ADGRL3: variants seen among roughly 807,000 people sequenced by gnomAD.
ADGRL3 encodes the protein adhesion G protein-coupled receptor L3.
Under a neutral mutation model 153.5 loss-of-function variants are expected in ADGRL3, and 62 were observed. The observed-to-expected ratio is 0.40, with a 90% CI of 0.33 to 0.50. The LOEUF (loss-of-function observed/expected upper bound fraction) is 0.50, where lower values mean the gene tolerates loss of function less well. ADGRL3 is among the 20% of genes least tolerant of loss of function. ADGRL3 has a pLI of 0.47. For synonymous variants in ADGRL3, 710 were observed against 672.5 expected, an observed-to-expected ratio of 1.06 and a Z score of -0.86; for missense variants, 1,641 against 1,859.4, an observed-to-expected ratio of 0.88 and a Z score of 2.16.
At chr4:61,378,404 G>C (rs1046087453) in intron 1 of ADGRL3, among the ~76,000 whole-genome samples, 11 of 151,978 alleles carry the variant, frequency 7.2e-5, no homozygotes, top group Admixed American at 2.0e-4. Flanking sequence ...TGGCTAACAG[G>C]TAGAAAATAT....
chr4:61,310,298 T>G (rs2094949174), intron 1 of ADGRL3, among the ~76,000 whole-genome samples: 1 of 152,032 alleles, frequency 6.6e-6, no homozygotes, highest in Non-Finnish European at 1.5e-5. Flanking sequence ...TAAATAGCCA[T>G]GTTTACGGAG....
chr4:61,527,613 T>C (rs2098576497), intron 4 of ADGRL3, among the ~76,000 whole-genome samples: 1 of 152,222 alleles, frequency 6.6e-6, no homozygotes, highest in Non-Finnish European at 1.5e-5. Context: ...CCTTAGGTTT[T>C]TGTTGTAGTT....
chr4:61,846,933 G>T (rs1554045714), intron 9 of ADGRL3, among the ~76,000 whole-genome samples: 1 of 139,442 alleles, frequency 7.2e-6, no homozygotes, highest in Non-Finnish European at 1.5e-5. Context: ...AGCCGTGAGG[G>T]ATATTTTATA....
At chr4:61,677,347 G>A in intron 6 of ADGRL3, 1 of 385,074 alleles carries the variant, frequency 2.6e-6, no homozygotes, top group South Asian at 2.0e-5. Context: ...AGCTTCATCT[G>A]CTGTCAACAT....
intron 5 of ADGRL3, among the ~76,000 whole-genome samples, chr4:61,643,457 C>T (rs1406574356): frequency 1.2e-4 from 18 of 151,682 alleles, no homozygotes; most frequent in African/African-American, 3.6e-4. Flanking sequence ...TTTTGAAATA[C>T]GTCCCATCAA....
chr4:61,330,479 T>C (rs904705300), intron 1 of ADGRL3, among the ~76,000 whole-genome samples: 9 of 152,168 alleles, frequency 5.9e-5, no homozygotes, highest in African/African-American at 2.2e-4. Context: ...AGACTGAAAC[T>C]ATGCCTGCAG....
chr4:61,388,238 A>C (rs1040982515), intron 2 of ADGRL3, among the ~76,000 whole-genome samples: 6 of 152,152 alleles, frequency 3.9e-5, no homozygotes, highest in Admixed American at 2.6e-4. Flanking sequence ...CCTCACCTGC[A>C]TAAGTGGGTT....
At chr4:61,749,867 AAATAAAAATAAG>A (rs1349962501) in intron 8 of ADGRL3, among the ~76,000 whole-genome samples, 4 of 150,546 alleles carry the variant, frequency 2.7e-5, no homozygotes, top group Middle Eastern at 3.4e-3. Flanking sequence ...AATAATAATA[AAATAAAAATAAG>A]AATAAAAATA....
At chr4:61,845,466 T>C (rs2098104819) in intron 9 of ADGRL3, among the ~76,000 whole-genome samples, 1 of 151,954 alleles carries the variant, frequency 6.6e-6, no homozygotes, top group Non-Finnish European at 1.5e-5. Context: ...TCCTTACACC[T>C]CAGCCTCCTG....
At chr4:62,006,003 C>CACACATATATATAT (rs1230956055) in intron 21 of ADGRL3, among the ~76,000 whole-genome samples, 4 of 49,020 alleles carry the variant, frequency 8.2e-5, no homozygotes, top group Non-Finnish European at 1.1e-4. Flanking sequence ...CACACACACA[C>CACACATATATATAT]ATATATATAT....
intron 1 of ADGRL3, among the ~76,000 whole-genome samples, chr4:61,221,868 G>C (rs1745743387): frequency 6.6e-6 from 1 of 152,024 alleles, no homozygotes; most frequent in African/African-American, 2.4e-5. Context: ...TGTCAGCTTA[G>C]ATAAATGAAT....
intron 6 of ADGRL3, among the ~76,000 whole-genome samples, chr4:61,691,205 A>G (rs971944599): frequency 6.6e-6 from 1 of 152,222 alleles, no homozygotes; most frequent in Non-Finnish European, 1.5e-5. Context: ...GAATTATAGT[A>G]CTTGATCAAA....
At chr4:61,961,149 A>C (rs1281834534) in intron 17 of ADGRL3, among the ~76,000 whole-genome samples, 1 of 152,062 alleles carries the variant, frequency 6.6e-6, no homozygotes, top group Non-Finnish European at 1.5e-5. Flanking sequence ...AATTGTCTAG[A>C]ACTAGATATT....
chr4:61,610,282 C>T (rs1489081041), intron 5 of ADGRL3, among the ~76,000 whole-genome samples: 2 of 151,940 alleles, frequency 1.3e-5, no homozygotes, highest in African/African-American at 4.8e-5. Context: ...ATTCCTGTAA[C>T]CCATTCTTAA....
At chr4:61,830,500 A>G (rs2097856871) in intron 9 of ADGRL3, among the ~76,000 whole-genome samples, 1 of 152,208 alleles carries the variant, frequency 6.6e-6, no homozygotes, top group Non-Finnish European at 1.5e-5. Flanking sequence ...ATTCAAGATC[A>G]TTATTAGAGA....
At chr4:61,239,038 C>T (rs376282060) in intron 1 of ADGRL3, among the ~76,000 whole-genome samples, 3 of 152,222 alleles carry the variant, frequency 2.0e-5, no homozygotes, top group South Asian at 4.2e-4. Context: ...ACATTTGTGT[C>T]TCTGGTCTAG....
At chr4:61,526,150 G>T (rs561169643) in intron 4 of ADGRL3, among the ~76,000 whole-genome samples, 2 of 152,110 alleles carry the variant, frequency 1.3e-5, no homozygotes, top group African/African-American at 2.4e-5. Context: ...TCGCCCCTTG[G>T]CCAGCCTCTG....
In ADGRL3 at chr4:61,370,392, C is replaced by T. The variant is rs1347096953; in HGVS notation, c.-239-12732C>T. ...AGTGCTATAAATTTCCGTCTACACA[C>T]TGCTTTGAATGTGTCCCAGAGATTC... On this transcript the variant is annotated intron_variant, in intron 1 of 26. Transcript: ENST00000683033. 2.0e-5 allele frequency among the ~76,000 whole-genome samples: 3 copies of T among 151,452 alleles called. No individual in the cohort carries two copies. In the East Asian group the frequency reaches 5.8e-4, roughly 29 times the overall value.
At chr4:61,755,813 G>C (rs1463362904) in intron 8 of ADGRL3, among the ~76,000 whole-genome samples, 1 of 152,112 alleles carries the variant, frequency 6.6e-6, no homozygotes, top group Non-Finnish European at 1.5e-5. Flanking sequence ...GTAAAGAAGG[G>C]ATCCAGTTTC....
Sources: allele counts gnomAD v4.1 joint callset (sites outside exome capture counted in the v4.1 genomes callset), GRCh38; gene constraint gnomAD v4.1.1; transcripts MANE v1.5; gene names NCBI Gene and HGNC (gene_info 2026-07-23, HGNC 2026-07-21).